Variants in MACROH2A1 observed in about 807,000 individuals in gnomAD.
MACROH2A1 encodes core histone macro-H2A.1.
MACROH2A1 carries 2 observed loss-of-function variants against 31.6 expected under a neutral mutation model. The observed-to-expected ratio is 0.06, with a 90% CI of 0.03 to 0.20. The LOEUF is 0.20. MACROH2A1 is among the 10% of genes least tolerant of loss of function. MACROH2A1 has a pLI of 1.00. For missense variants in MACROH2A1, 230 were observed against 474.0 expected (o/e 0.49, Z 4.78); for synonymous variants, 169 against 189.6 (o/e 0.89, Z 0.89).
At chr5:135,372,184 G>A (rs1331625741) in intron 2 of MACROH2A1, among the ~76,000 whole-genome samples, 1 of 152,206 alleles carries the variant, frequency 6.6e-6, no homozygotes, top group African/African-American at 2.4e-5. Context: ...GGCACCAGGA[G>A]GCCCCTGTCT....
At chr5:135,371,338 T>TA (rs1421480298) in intron 2 of MACROH2A1, among the ~76,000 whole-genome samples, 1 of 152,238 alleles carries the variant, frequency 6.6e-6, no homozygotes, top group African/African-American at 2.4e-5. Flanking sequence ...TAATAGATTT[T>TA]AAAAGTTCTT....
chr5:135,388,172 A>C (rs1581354516), intron 2 of MACROH2A1, among the ~76,000 whole-genome samples: 1 of 152,118 alleles, frequency 6.6e-6, no homozygotes, highest in Non-Finnish European at 1.5e-5. Flanking sequence ...AAATGAAAAA[A>C]CCCACTATTT....
At chr5:135,375,224 C>T (rs1764699384) in intron 2 of MACROH2A1, among the ~76,000 whole-genome samples, 1 of 152,200 alleles carries the variant, frequency 6.6e-6, no homozygotes, top group African/African-American at 2.4e-5. Flanking sequence ...CTGTAGTGGC[C>T]TAGATGATGC....
intron 1 of MACROH2A1, chr5:135,389,376 A>G (rs1343109408): frequency 6.8e-6 from 2 of 292,476 alleles, no homozygotes; most frequent in Non-Finnish European, 1.3e-5. Context: ...ATGCCACATG[A>G]TGAAAAAGGA....
At chr5:135,360,951 A>G in intron 4 of MACROH2A1, 1 of 402,382 alleles carries the variant, frequency 2.5e-6, no homozygotes. Flanking sequence ...TTTCCTTTCT[A>G]GATGTCTGTA....
chr5:135,342,795 A>AT (rs1760124941), intron 8 of MACROH2A1, among the ~76,000 whole-genome samples: 1 of 152,204 alleles, frequency 6.6e-6, no homozygotes, highest in African/African-American at 2.4e-5. Context: ...AGGAGGTGAA[A>AT]TATACTTGTG....
Position 135,353,000 on chromosome 5 carries a change from C to T in MACROH2A1, c.634G>A (p.Val212Met). 1 of 1,610,286 alleles carries T rather than the reference C, an allele frequency of 6.2e-7. No individual in the cohort carries two copies. The highest frequency in any genetic ancestry group is 8.5e-7 in the Non-Finnish European group (1 of 1,176,550). Residue 212 changes from valine to methionine, a missense_variant, in exon 6 of 9, where the codon GTG becomes ATG. Transcript: ENST00000511689. ...SEISNLAGFE[V>M]EAIINPTNAD... ...TTGGTAGGATTGATTATGGCCTCCA[C>T]CTCAAAGCCGGCTAAATTACTGATT...
intron 5 of MACROH2A1, chr5:135,353,926 G>A (rs906063154): frequency 2.0e-5 from 3 of 152,226 alleles, no homozygotes; most frequent in South Asian, 2.1e-4. Context: ...GAATTAATGG[G>A]CCTAGGACTG....
intron 4 of MACROH2A1, chr5:135,360,918 T>G: frequency 2.1e-6 from 1 of 475,218 alleles, no homozygotes; most frequent in Non-Finnish European, 3.9e-6. Context: ...TAAATGTCTC[T>G]TAATTAAGGA....
chr5:135,340,723 C>T (rs575702635), intron 8 of MACROH2A1, among the ~76,000 whole-genome samples: 3 of 152,352 alleles, frequency 2.0e-5, no homozygotes, highest in South Asian at 2.1e-4. Flanking sequence ...ACATTACTTC[C>T]GTGCCAGAGA....
chr5:135,352,963 T>A lies in MACROH2A1; in HGVS notation c.671A>T (p.Asp224Val). ...CCAATTACCTAGGTCATCTTTAAGG[T>A]CAATGTCAGCATTGGTAGGATTGAT... is the stretch of plus-strand genomic sequence containing the variant. ...AIINPTNADI[D>V]LKDDLGNTLE... is the part of the protein sequence containing the mutation. Residue 224 changes from aspartate (D) to valine (V), a missense_variant, in exon 6 of 9, where the codon GAC (aspartate) becomes GTC (valine). Asp to Val is a radical substitution (Grantham distance 152). Around this residue, in one of 2 missense-constraint regions of MACROH2A1, gnomAD observed 183 missense variants for 319.3 expected, o/e 0.57. Transcript: ENST00000511689. 1 of 1,577,056 alleles carries A rather than the reference T, an allele frequency of 6.3e-7. No homozygotes were observed. The highest frequency in any genetic ancestry group is 8.7e-7 in the Non-Finnish European group (1 of 1,146,176).
intron 8 of MACROH2A1, among the ~76,000 whole-genome samples, chr5:135,341,888 C>T (rs1466493748): frequency 1.3e-5 from 2 of 152,244 alleles, no homozygotes; most frequent in Admixed American, 1.3e-4. Flanking sequence ...TGATGCTGCA[C>T]AGCCCTGCCT....
chr5:135,340,826 T>C (rs1759708048), intron 8 of MACROH2A1, among the ~76,000 whole-genome samples: 1 of 152,238 alleles, frequency 6.6e-6, no homozygotes, highest in African/African-American at 2.4e-5. Flanking sequence ...TTTTTTTTAC[T>C]CATGAAAGAG....
chr5:135,367,196 C>T (rs555413638), intron 4 of MACROH2A1, among the ~76,000 whole-genome samples: 1 of 152,308 alleles, frequency 6.6e-6, no homozygotes, highest in Non-Finnish European at 1.5e-5. Flanking sequence ...GCAGGCTTTT[C>T]TGCTGTTTCT....
chr5:135,352,191 T>C (rs1423188642), intron 6 of MACROH2A1, among the ~76,000 whole-genome samples: 1 of 152,246 alleles, frequency 6.6e-6, no homozygotes, highest in African/African-American at 2.4e-5. Flanking sequence ...GGCAAGCCTC[T>C]ACATCGAAGA....
intron 2 of MACROH2A1, among the ~76,000 whole-genome samples, chr5:135,377,284 T>C (rs774326988): frequency 5.3e-5 from 8 of 152,220 alleles, no homozygotes; most frequent in Non-Finnish European, 1.0e-4. Flanking sequence ...GACCCACCAA[T>C]CACTTGCTGT....
chr5:135,370,817 C>T (rs541505980), intron 2 of MACROH2A1, among the ~76,000 whole-genome samples: 2 of 152,280 alleles, frequency 1.3e-5, no homozygotes, highest in Non-Finnish European at 2.9e-5. Context: ...CTAGGAAAGT[C>T]ATTTTGGAGA....
chr5:135,345,912 T>C, intron 7 of MACROH2A1, 56 bp downstream of exon 7: 1 of 1,194,414 alleles, frequency 8.4e-7, no homozygotes, highest in Non-Finnish European at 1.3e-6. Flanking sequence ...ACAAAATGGC[T>C]TTCCTAATAC....
At chr5:135,386,395 C>T (rs1225933371) in intron 2 of MACROH2A1, among the ~76,000 whole-genome samples, 1 of 152,234 alleles carries the variant, frequency 6.6e-6, no homozygotes, top group Non-Finnish European at 1.5e-5. Context: ...GTGCCGCATG[C>T]AGGCAGAGGA....
Sources: gnomAD v4.1 joint callset for allele counts (sites outside exome capture counted in the v4.1 genomes callset) on GRCh38, gnomAD v4.1.1 for gene constraint, gnomAD v4.1.1 regional missense constraint, MANE v1.5 for transcripts, NCBI Gene and HGNC (gene_info 2026-07-23, HGNC 2026-07-21) for gene names.